Variants in ATP2B2 observed in about 807,000 individuals in gnomAD.
The protein encoded by ATP2B2 is ATPase plasma membrane Ca2+ transporting 2.
In ATP2B2, 15 loss-of-function variants were observed where a neutral mutation model predicts 120.0. The ratio of observed to expected loss-of-function variants is 0.12; its 90% CI spans 0.08 to 0.19. The LOEUF (loss-of-function observed/expected upper bound fraction) is 0.19. Ranked by LOEUF, ATP2B2 falls within the 10% of genes least tolerant of loss-of-function variation. The pLI is 1.00. For missense variants in ATP2B2, 1,045 were observed against 1,719.8 expected, an observed-to-expected ratio of 0.61 and a Z score of 6.94; for synonymous variants, 694 against 700.3, an observed-to-expected ratio of 0.99 and a Z score of 0.14.
chr3:10,701,051 T>C (rs2125719875), intron 1 of ATP2B2, among the ~76,000 whole-genome samples: 1 of 152,264 alleles, frequency 6.6e-6, no homozygotes, highest in South Asian at 2.1e-4. Flanking sequence ...GAACTGGAGA[T>C]ATTTCTATAG....
chr3:10,664,622 C>G (rs916024411), intron 1 of ATP2B2, among the ~76,000 whole-genome samples: 1 of 152,152 alleles, frequency 6.6e-6, no homozygotes, highest in Non-Finnish European at 1.5e-5. Context: ...ATCCTATTCA[C>G]CAAAACACTT....
At chr3:10,554,888 C>A (rs754834207) in intron 2 of ATP2B2, among the ~76,000 whole-genome samples, 2 of 152,138 alleles carry the variant, frequency 1.3e-5, no homozygotes, top group Non-Finnish European at 2.9e-5. Context: ...GTGGGTCAGA[C>A]CTTGTTGAGG....
intron 1 of ATP2B2, among the ~76,000 whole-genome samples, chr3:10,633,365 T>G (rs1442704367): frequency 1.3e-5 from 2 of 152,180 alleles, no homozygotes; most frequent in Non-Finnish European, 2.9e-5. Flanking sequence ...ATGCCCTCCA[T>G]CCTGGATTTG....
upstream of ATP2B2, among the ~76,000 whole-genome samples, chr3:10,509,988 G>A (rs957082857): frequency 1.3e-5 from 2 of 152,212 alleles, no homozygotes; most frequent in African/African-American, 4.8e-5. Flanking sequence ...ACTGTTATTA[G>A]TGGAAGAAAC....
intron 1 of ATP2B2, among the ~76,000 whole-genome samples, chr3:10,629,555 C>T (rs1450174511): frequency 6.6e-6 from 1 of 152,150 alleles, no homozygotes; most frequent in African/African-American, 2.4e-5. Flanking sequence ...CCTCACCTGC[C>T]CTGTGGGTAG....
At chr3:10,499,713 G>A (rs2125400301) in intron 1 of ATP2B2, among the ~76,000 whole-genome samples, 1 of 152,214 alleles carries the variant, frequency 6.6e-6, no homozygotes, top group East Asian at 1.9e-4. Flanking sequence ...TCCCCTGCCT[G>A]TCTCCAGCCT....
At chr3:10,628,874 T>C (rs1246914898) in intron 1 of ATP2B2, among the ~76,000 whole-genome samples, 2 of 152,258 alleles carry the variant, frequency 1.3e-5, no homozygotes, top group East Asian at 1.9e-4. Flanking sequence ...TGGGAACTTC[T>C]GGTCACAACA....
chr3:10,628,970 A>G (rs1228862863), intron 1 of ATP2B2, among the ~76,000 whole-genome samples: 2 of 152,226 alleles, frequency 1.3e-5, no homozygotes, highest in Non-Finnish European at 2.9e-5. Context: ...TTTAATATCT[A>G]TCGTTGGCTC....
chr3:10,526,939 C>T (rs1431984444), intron 3 of ATP2B2, among the ~76,000 whole-genome samples: 2 of 152,160 alleles, frequency 1.3e-5, no homozygotes, highest in Non-Finnish European at 1.5e-5. Flanking sequence ...ATGTGTACAG[C>T]GTAATTTCAT....
intron 2 of ATP2B2, among the ~76,000 whole-genome samples, chr3:10,581,102 C>G (rs2068378754): frequency 6.6e-6 from 1 of 152,210 alleles, no homozygotes. Context: ...GAAATTGAAG[C>G]CCAAAGATGA....
intron 3 of ATP2B2, among the ~76,000 whole-genome samples, chr3:10,512,248 G>A (rs1489514870): frequency 1.3e-5 from 2 of 152,106 alleles, no homozygotes; most frequent in Non-Finnish European, 2.9e-5. Context: ...AGGATTCCTA[G>A]AGCAGAGGGG....
Position 10,342,834 on chromosome 3 carries a change from C to G in ATP2B2, c.2835G>C (p.Pro945=). 2 of 1,613,940 alleles carry G rather than the reference C, an allele frequency of 1.2e-6. No homozygotes were observed. The highest frequency in any genetic ancestry group is 1.7e-6 in the Non-Finnish European group (2 of 1,179,920). The change falls in exon 19 of 23, where the codon CCG becomes CCC. Residue 945 remains proline (P), a synonymous_variant. Coordinates refer to ENST00000360273, the MANE Select transcript of ATP2B2 (RefSeq NM_001001331.4). The surrounding 1 kb of genome is among the most constrained non-coding windows in gnomAD (Gnocchi z 4.4). ...TCTTCATCATGGTCCTGGAGATGAG[C>G]GGCTTGTTGCGGCCGTACGGCTTCC... ...LLRKPYGRNK[P]LISRTMMKNI...
chr3:10,582,724 C>T (rs1351396428), intron 2 of ATP2B2, among the ~76,000 whole-genome samples: 4 of 152,152 alleles, frequency 2.6e-5, no homozygotes, highest in Non-Finnish European at 1.5e-5. Flanking sequence ...CCAGAGGGGG[C>T]TGAGCCTGGT....
chr3:10,396,638 C>T (rs2062046028), intron 5 of ATP2B2, among the ~76,000 whole-genome samples: 1 of 152,194 alleles, frequency 6.6e-6, no homozygotes, highest in South Asian at 2.1e-4. Context: ...GAGTTCAGAA[C>T]ACTGGGGAAG....
At chr3:10,433,516 G>A (rs950632433) in intron 2 of ATP2B2, among the ~76,000 whole-genome samples, 3 of 152,106 alleles carry the variant, frequency 2.0e-5, no homozygotes, top group South Asian at 2.1e-4. Context: ...TCACCCCCTC[G>A]CTGTGTGACC....
At chr3:10,646,233 T>G (rs1416886876) in intron 1 of ATP2B2, among the ~76,000 whole-genome samples, 1 of 152,202 alleles carries the variant, frequency 6.6e-6, no homozygotes, top group Non-Finnish European at 1.5e-5. Context: ...GTGGTTTCTG[T>G]CCTTCTCACG....
chr3:10,538,829 T>C (rs1037948826), intron 2 of ATP2B2, among the ~76,000 whole-genome samples: 33 of 152,056 alleles, frequency 2.2e-4, no homozygotes, highest in Non-Finnish European at 3.8e-4. Flanking sequence ...ACAGGGATGC[T>C]CTCTCTCACC....
intron 19 of ATP2B2, among the ~76,000 whole-genome samples, chr3:10,341,767 C>G (rs2060285316): frequency 6.6e-6 from 1 of 152,226 alleles, no homozygotes; most frequent in African/African-American, 2.4e-5. Flanking sequence ...TCCTCTCCAA[C>G]CCCTCCACCT....
rs1469025797 is a variant in ATP2B2, at chr3:10,350,404, C to G, written c.2310G>C (p.Lys770Asn). 1.9e-6 allele frequency: 3 copies of G among 1,614,234 alleles called. No individual in the cohort carries two copies. Among genetic ancestry groups the G allele is most frequent in the South Asian group, 1.1e-5 (1 of 91,088 alleles). ...KEFNRRIRNEKGEIEQERIDK... is the reference protein window; with the variant it reads ...KEFNRRIRNENGEIEQERIDK... ...TTTACGTTGGGACACGCACCTCCCC[C>G]TTCTCGTTGCGGATCCTCCTGTTGA... Residue 770 changes from lysine (K) to asparagine (N), a missense_variant, in exon 15 of 23, where the codon AAG becomes AAC. By Grantham distance (94) the Lys-to-Asn change is moderately conservative. Transcript: ENST00000360273.
Sources: allele counts gnomAD v4.1 joint callset (sites outside exome capture counted in the v4.1 genomes callset), GRCh38; gene constraint gnomAD v4.1.1; non-coding constraint Gnocchi (gnomAD v3.1); transcripts MANE v1.5; gene names NCBI Gene and HGNC (gene_info 2026-07-23, HGNC 2026-07-21).